RNF6: variants seen among roughly 807,000 people sequenced by gnomAD.
RNF6 encodes ring finger protein 6.
Under a neutral mutation model 50.1 loss-of-function variants are expected in RNF6, and 21 were observed. The observed-to-expected ratio is 0.42, with a 90% CI of 0.30 to 0.60. The LOEUF is 0.60. Among genes scored for constraint, RNF6 ranks in the 20% least tolerant of loss-of-function variants. RNF6 has a pLI of 0.20. For missense variants in RNF6, 698 were observed against 838.2 expected (o/e 0.83, Z 2.07); for synonymous variants, 255 against 291.8 (o/e 0.87, Z 1.29).
At chr13:26,211,829 A>G (rs2137732725), downstream of RNF6, among the ~76,000 whole-genome samples, 1 of 152,276 alleles carries the variant, frequency 6.6e-6, no homozygotes, top group African/African-American at 2.4e-5. Context: ...TTTTAACACT[A>G]AAATAAGTGA....
intron 5 of RNF6, among the ~76,000 whole-genome samples, chr13:26,141,425 C>CAA (rs34336773): frequency 7.1e-4 from 92 of 129,988 alleles, no homozygotes; most frequent in African/African-American, 2.5e-3. Flanking sequence ...AAGACTCTGT[C>CAA]AAAAAAAAAA....
intron 5 of RNF6, among the ~76,000 whole-genome samples, chr13:26,182,315 T>C (rs1026005321): frequency 2.0e-5 from 3 of 152,208 alleles, no homozygotes; most frequent in Non-Finnish European, 4.4e-5. Flanking sequence ...TTAAAGAATG[T>C]CCCTTATTTA....
chr13:26,221,685 C>T (rs1290202785), intron 1 of RNF6: 1 of 152,212 alleles, frequency 6.6e-6, no homozygotes, highest in African/African-American at 2.4e-5. Context: ...CCCTCCGTCC[C>T]GCTACTGGTT....
intron 5 of RNF6, among the ~76,000 whole-genome samples, chr13:26,158,608 A>G (rs1278600690): frequency 6.6e-6 from 1 of 152,140 alleles, no homozygotes; most frequent in Non-Finnish European, 1.5e-5. Context: ...GCAGATTTAT[A>G]TTGATTTGCA....
intron 5 of RNF6, among the ~76,000 whole-genome samples, chr13:26,146,018 C>G (rs578057180): frequency 2.0e-5 from 3 of 152,270 alleles, no homozygotes; most frequent in African/African-American, 4.8e-5. Context: ...CTCTATAAAC[C>G]CCTACTTTAA....
intron 5 of RNF6, among the ~76,000 whole-genome samples, chr13:26,186,989 G>C (rs954599050): frequency 1.3e-5 from 2 of 152,134 alleles, no homozygotes; most frequent in Non-Finnish European, 2.9e-5. Flanking sequence ...GTGTTAGCCA[G>C]GATGGTCTCG....
At chr13:26,168,429 C>T (rs1872543373) in intron 5 of RNF6, among the ~76,000 whole-genome samples, 2 of 152,186 alleles carry the variant, frequency 1.3e-5, no homozygotes, top group African/African-American at 4.8e-5. Context: ...CCACTGTAGC[C>T]TGATTCACAA....
At chr13:26,212,373 T>C (rs186566054), downstream of RNF6, among the ~76,000 whole-genome samples, 26 of 152,358 alleles carry the variant, frequency 1.7e-4, no homozygotes, top group African/African-American at 6.0e-4. Flanking sequence ...GAAAACCTTT[T>C]ACTCCATGTA....
intron 5 of RNF6, among the ~76,000 whole-genome samples, chr13:26,166,692 G>C (rs1302203397): frequency 2.0e-5 from 3 of 152,086 alleles, no homozygotes; most frequent in East Asian, 1.9e-4. Context: ...GGCTGAGGTG[G>C]GTGGATCTCT....
At chr13:26,139,678 A>G (rs1198811072) in intron 5 of RNF6, among the ~76,000 whole-genome samples, 1 of 152,194 alleles carries the variant, frequency 6.6e-6, no homozygotes, top group Admixed American at 6.5e-5. Context: ...CTGTCCAAGA[A>G]AATGGTATAT....
intron 5 of RNF6, among the ~76,000 whole-genome samples, chr13:26,172,976 T>C (rs922879514): frequency 6.6e-6 from 1 of 152,076 alleles, no homozygotes; most frequent in Non-Finnish European, 1.5e-5. Context: ...CAACAAAAGA[T>C]ATGAATGGGT....
downstream of RNF6, among the ~76,000 whole-genome samples, chr13:26,209,832 A>G (rs926665016): frequency 6.0e-5 from 9 of 151,246 alleles, no homozygotes; most frequent in Middle Eastern, 0.01. Flanking sequence ...TCCATCTTCA[A>G]ATGAGACATT....
intron 5 of RNF6, among the ~76,000 whole-genome samples, chr13:26,188,075 A>T (rs1171218061): frequency 6.6e-6 from 1 of 152,228 alleles, no homozygotes; most frequent in Non-Finnish European, 1.5e-5. Context: ...CAGCCCTAAT[A>T]GTCTAGGAAT....
At chr13:26,181,148 C>G (rs1044676781) in intron 5 of RNF6, among the ~76,000 whole-genome samples, 1 of 152,192 alleles carries the variant, frequency 6.6e-6, no homozygotes, top group Admixed American at 6.5e-5. Context: ...GATCCAGGTA[C>G]TCCTTGGTTC....
chr13:26,207,217 A>G (rs1002541037), intron 5 of RNF6, among the ~76,000 whole-genome samples: 1 of 148,552 alleles, frequency 6.7e-6, no homozygotes, highest in Non-Finnish European at 1.5e-5. Context: ...TTAGGAAGAG[A>G]GAACAGCATG....
chr13:26,173,683 T>C (rs1466985727), intron 5 of RNF6, among the ~76,000 whole-genome samples: 2 of 150,996 alleles, frequency 1.3e-5, no homozygotes, highest in African/African-American at 4.9e-5. Context: ...TCCAGTGATT[T>C]ATTTCTTTGG....
chr13:26,166,417 C>A (rs758892551), intron 5 of RNF6, among the ~76,000 whole-genome samples: 15 of 152,230 alleles, frequency 9.9e-5, no homozygotes, highest in Non-Finnish European at 1.9e-4. Context: ...TCAAACTATC[C>A]CTGTTTGCAG....
At chr13:26,200,820 G>T (rs189212338) in intron 5 of RNF6, among the ~76,000 whole-genome samples, 50 of 152,290 alleles carry the variant, frequency 3.3e-4, no homozygotes, top group African/African-American at 1.2e-3. Flanking sequence ...GTTTCTTGCT[G>T]CCCCATTCAG....
chr13:26,149,893 TAC>T (rs370753891), intron 5 of RNF6, among the ~76,000 whole-genome samples: 20,829 of 48,136 alleles, frequency 0.43, 5,579 homozygotes, highest in East Asian at 0.66. Context: ...TATATATATA[TAC>T]ACACACACAG....
Sources: allele counts gnomAD v4.1 joint callset (sites outside exome capture counted in the v4.1 genomes callset), GRCh38; gene constraint gnomAD v4.1.1; transcripts MANE v1.5; gene names NCBI Gene and HGNC (gene_info 2026-07-23, HGNC 2026-07-21).